The following WLS variants were observed in gnomAD, a reference collection of about 807,000 sequenced individuals.
WLS encodes protein wntless homolog.
WLS carries 23 observed loss-of-function variants against 62.8 expected under a neutral mutation model. The observed-to-expected ratio is 0.37, with a 90% CI of 0.26 to 0.52. WLS has a LOEUF of 0.52. WLS is among the 20% of genes least tolerant of loss of function. WLS has a pLI of 0.92. For synonymous variants in WLS, 246 were observed against 244.1 expected (o/e 1.01, Z -0.07); for missense variants, 615 against 697.3 (o/e 0.88, Z 1.33).
chr1:68,213,295 A>G (rs1027630868), intron 1 of WLS, among the ~76,000 whole-genome samples: 4 of 151,950 alleles, frequency 2.6e-5, no homozygotes, highest in Non-Finnish European at 5.9e-5. Context: ...TACTAAATAT[A>G]CAAAAATTAG....
intron 1 of WLS, among the ~76,000 whole-genome samples, chr1:68,199,448 G>A (rs1467212137): frequency 1.3e-5 from 2 of 152,218 alleles, no homozygotes; most frequent in African/African-American, 2.4e-5. Flanking sequence ...ATAGCCAAGG[G>A]AGAATGGGGG....
intron 11 of WLS, among the ~76,000 whole-genome samples, chr1:68,109,834 C>A (rs1351992220): frequency 1.3e-5 from 2 of 151,642 alleles, no homozygotes; most frequent in East Asian, 1.9e-4. Context: ...ATCATATAAA[C>A]CCACAAGAAT....
intron 11 of WLS, 90 bp from the exon 12 acceptor site, chr1:68,126,425 C>T: frequency 3.9e-6 from 6 of 1,524,356 alleles, no homozygotes; most frequent in Middle Eastern, 4.1e-4. Context: ...CTGATGCTAG[C>T]CCTCTTTGAC....
intron 1 of WLS, among the ~76,000 whole-genome samples, chr1:68,213,324 G>C (rs1421256703): frequency 6.6e-6 from 1 of 151,688 alleles, no homozygotes; most frequent in African/African-American, 2.4e-5. Flanking sequence ...GGTGGTAGGC[G>C]CCTGTAATCC....
chr1:68,199,425 A>G (rs1648872601), intron 1 of WLS, among the ~76,000 whole-genome samples: 1 of 152,150 alleles, frequency 6.6e-6, no homozygotes, highest in South Asian at 2.1e-4. Flanking sequence ...TTAGCCTTGG[A>G]AGAGAGCAGG....
At chr1:68,138,352 G>A (rs1646640313) in intron 10 of WLS, 1 of 178,572 alleles carries the variant, frequency 5.6e-6, no homozygotes, top group African/African-American at 2.4e-5. Flanking sequence ...TGTCTTTAAG[G>A]CCTGATGCAC....
chr1:68,145,590 C>T (rs1267857283), intron 9 of WLS, among the ~76,000 whole-genome samples: 2 of 151,866 alleles, frequency 1.3e-5, no homozygotes, highest in East Asian at 3.9e-4. Flanking sequence ...TAGTATGTAA[C>T]CTACATTCCA....
At chr1:68,230,411 CAA>C (rs987574099) in intron 1 of WLS, among the ~76,000 whole-genome samples, 3 of 152,088 alleles carry the variant, frequency 2.0e-5, no homozygotes, top group African/African-American at 7.2e-5. Context: ...TCAAGGGAGA[CAA>C]GAGGTGTAAT....
At chr1:68,144,505 T>A in intron 10 of WLS, 64 bp downstream of exon 10, 1 of 1,488,288 alleles carries the variant, frequency 6.7e-7, no homozygotes, top group Non-Finnish European at 9.2e-7. Flanking sequence ...CTATTGAATT[T>A]CTGTGCAGGG....
In WLS at chr1:68,207,444, A is replaced by G. The variant is rs139588627; in HGVS notation, c.107-13217T>C. On this transcript the variant is annotated intron_variant, in intron 1 of 11. Transcript: ENST00000262348. ...CAAGAGATCATTGACAAAATTTGCT[A>G]ATGAAATCAATTCATAACTTTCTTT... 7.2e-5 allele frequency among the ~76,000 whole-genome samples: 11 copies of G among 152,358 alleles called. 1 individual carries two copies. Among genetic ancestry groups the G allele is most frequent in the Admixed American group, 2.0e-4 (3 of 15,304 alleles).
chr1:68,184,393 T>C lies in WLS; in HGVS notation c.379+9562A>G, dbSNP rs567640411. On this transcript the variant is annotated intron_variant, in intron 2 of 11. Transcript: ENST00000262348. ...TCTTTTCCTAATGCATAGAGTGACTTTTTAAAAAATGGTATATTTGGGAAA... is the reference window on the plus strand; with the variant it reads ...TCTTTTCCTAATGCATAGAGTGACTCTTTAAAAAATGGTATATTTGGGAAA... Among the ~76,000 whole-genome samples, 135 of 152,326 alleles carry C rather than the reference T, an allele frequency of 8.9e-4. 5 individuals are homozygous for C. In the South Asian group the frequency reaches 0.027, roughly 31 times the overall value.
intron 1 of WLS, 41 bp from the exon 2 acceptor site, chr1:68,194,268 T>C (rs750569255): frequency 6.2e-7 from 1 of 1,601,300 alleles, no homozygotes; most frequent in Non-Finnish European, 8.5e-7. Flanking sequence ...AAGCCATCTA[T>C]TGAAACTACT....
At chr1:68,184,849 A>G (rs1034887621) in intron 2 of WLS, among the ~76,000 whole-genome samples, 1 of 152,174 alleles carries the variant, frequency 6.6e-6, no homozygotes, top group African/African-American at 2.4e-5. Context: ...AGATTTTCTT[A>G]ATTGGCCTCT....
intron 11 of WLS, among the ~76,000 whole-genome samples, chr1:68,113,369 A>G (rs1646252711): frequency 6.6e-6 from 1 of 152,176 alleles, no homozygotes. Context: ...GGAAAAGGGC[A>G]TCTCTTTGCT....
chr1:68,183,407 A>G (rs1191176884), intron 2 of WLS: 4 of 291,634 alleles, frequency 1.4e-5, no homozygotes, highest in African/African-American at 2.2e-5. Context: ...CATACTACCA[A>G]TGGCCTGTTC....
chr1:68,183,640 A>C, intron 2 of WLS: 1 of 430,514 alleles, frequency 2.3e-6, no homozygotes, highest in South Asian at 1.8e-5. Context: ...TAGAAGGATG[A>C]AATTCAGAGA....
chr1:68,181,284 G>T (rs1427575272), intron 2 of WLS, among the ~76,000 whole-genome samples: 1 of 152,154 alleles, frequency 6.6e-6, no homozygotes, highest in Admixed American at 6.5e-5. Context: ...CACCATTAAG[G>T]GATGTGCTGC....
At chr1:68,156,382 A>C (rs1384153716) in intron 3 of WLS, among the ~76,000 whole-genome samples, 1 of 152,214 alleles carries the variant, frequency 6.6e-6, no homozygotes, top group African/African-American at 2.4e-5. Context: ...AGAAGAAAGA[A>C]GATAACAAAG....
chr1:68,169,598 T>A (rs1647116063), intron 2 of WLS, among the ~76,000 whole-genome samples: 1 of 152,150 alleles, frequency 6.6e-6, no homozygotes, highest in Non-Finnish European at 1.5e-5. Flanking sequence ...AACCACCAAA[T>A]TTGGTCAACT....
Sources: gnomAD v4.1 joint callset for allele counts (sites outside exome capture counted in the v4.1 genomes callset) on GRCh38, gnomAD v4.1.1 for gene constraint, MANE v1.5 for transcripts, NCBI Gene and HGNC (gene_info 2026-07-23, HGNC 2026-07-21) for gene names.